Variants in ELK3 observed in about 807,000 individuals in gnomAD.
ELK3 encodes ETS transcription factor ELK3.
A neutral mutation model predicts 28.9 loss-of-function variants in ELK3; 10 were observed. The observed-to-expected ratio is 0.35, with a 90% confidence interval of 0.21 to 0.59. ELK3 has a LOEUF of 0.59. Ranked by LOEUF, ELK3 falls within the 20% of genes least tolerant of loss-of-function variation. The pLI is 0.82. For synonymous variants in ELK3, 272 were observed against 243.5 expected (o/e 1.12, Z -1.09); for missense variants, 463 against 517.3 (o/e 0.90, Z 1.02).
intron 1 of ELK3, among the ~76,000 whole-genome samples, chr12:96,219,278 T>C (rs1951646086): frequency 6.7e-6 from 1 of 150,012 alleles, no homozygotes; most frequent in African/African-American, 2.5e-5. Context: ...GGATTCTAGG[T>C]ATCAAGGAAT....
At chr12:96,251,385 AAC>A (rs1196590724) in intron 3 of ELK3, among the ~76,000 whole-genome samples, 2 of 152,086 alleles carry the variant, frequency 1.3e-5, no homozygotes, top group Non-Finnish European at 2.9e-5. Context: ...TATTCCCTGA[AAC>A]ACAACAATTT....
At chr12:96,209,311 G>A (rs760772849) in intron 1 of ELK3, among the ~76,000 whole-genome samples, 2 of 151,328 alleles carry the variant, frequency 1.3e-5, no homozygotes, top group Non-Finnish European at 2.9e-5. Flanking sequence ...CTTTTGCCTT[G>A]GATCTACCCT....
Position 96,263,804 on chromosome 12 carries a change from C to T in ELK3, c.1126-3278C>T, listed in dbSNP as rs551663395. Reference sequence around the variant, plus strand: ...AGGTGATAGGAGATAAGGTTGGAAACGCAGCTGTGGGCCTTGAATATAGGC... The same window carrying T: ...AGGTGATAGGAGATAAGGTTGGAAATGCAGCTGTGGGCCTTGAATATAGGC... On this transcript the variant is annotated intron_variant, in intron 4 of 4. Transcript: ENST00000228741. 2.6e-5 allele frequency among the ~76,000 whole-genome samples: 4 copies of T among 152,254 alleles called. No individual in the cohort carries two copies. In the South Asian group the frequency reaches 6.2e-4, roughly 24 times the overall value.
At position 96,247,851 on chromosome 12, in the gene ELK3, G is replaced by C; in HGVS notation, c.1002+117G>C. The C allele has an allele frequency of 4.0e-6, 5 of 1,252,242 alleles. No individual in the cohort carries two copies. Among genetic ancestry groups the C allele is most frequent in the Non-Finnish European group, 5.4e-6 (5 of 934,562 alleles). 77.6% of individuals were successfully genotyped at this position (1,252,242 alleles called of 1,614,324 possible). A position where few individuals can be genotyped will look rare whatever the true frequency, so the allele number is the denominator to read the frequency against. Reference sequence around the variant, plus strand: ...AAAACGTTGTCCTATGACTCGTACCGAGGTCACTGTGTAAATGTGAAGGGA... The same window carrying C: ...AAAACGTTGTCCTATGACTCGTACCCAGGTCACTGTGTAAATGTGAAGGGA... On this transcript the variant is annotated intron_variant, in intron 3 of 4. Coordinates refer to ENST00000228741, the MANE Select transcript of ELK3 (RefSeq NM_005230.4). This position sits in a 1 kb window ranked among gnomAD's most constrained non-coding sequence, Gnocchi z 5.5.
At chr12:96,234,961 G>A (rs893035188) in intron 2 of ELK3, among the ~76,000 whole-genome samples, 7 of 152,118 alleles carry the variant, frequency 4.6e-5, no homozygotes, top group African/African-American at 1.4e-4. Flanking sequence ...ACAGGCCCCC[G>A]GTATTTTTTA....
chr12:96,247,839 A>G lies in ELK3; in HGVS notation c.1002+105A>G. ...CTTCTGTCCCTCAAAACGTTGTCCT[A>G]TGACTCGTACCGAGGTCACTGTGTA... On this transcript the variant is annotated intron_variant, in intron 3 of 4. Coordinates refer to ENST00000228741, the MANE Select transcript of ELK3 (RefSeq NM_005230.4). This position sits in a 1 kb window ranked among gnomAD's most constrained non-coding sequence, Gnocchi z 5.5. 1.5e-6 allele frequency: 2 copies of G among 1,327,326 alleles called. No individual in the cohort carries two copies. Among genetic ancestry groups the G allele is most frequent in the Non-Finnish European group, 2.0e-6 (2 of 1,001,134 alleles). The allele number at this position is 1,327,326 out of a possible 1,614,324, so 82.2% of individuals were successfully genotyped here. A position where few individuals can be genotyped will look rare whatever the true frequency, so the allele number is the denominator to read the frequency against.
chr12:96,237,072 T>C (rs1248378337), intron 2 of ELK3, among the ~76,000 whole-genome samples: 3 of 152,226 alleles, frequency 2.0e-5, no homozygotes, highest in African/African-American at 7.2e-5. Flanking sequence ...TTTCAGTGCC[T>C]ACCTCAAATC....
rs367842516 is a variant in ELK3, at chr12:96,247,768, A to T, written c.1002+34A>T. 9.2e-5 allele frequency: 137 copies of T among 1,481,320 alleles called. No homozygotes were observed. The highest frequency in any genetic ancestry group is 1.1e-4 in the Non-Finnish European group (126 of 1,119,184). 91.8% of individuals were successfully genotyped at this position (1,481,320 alleles called of 1,614,324 possible). On this transcript the variant is annotated intron_variant, in intron 3 of 4. Transcript: ENST00000228741. The surrounding 1 kb of genome is among the most constrained non-coding windows in gnomAD (Gnocchi z 5.5). ...CATTCCTGTCATCTAAGCCACAGCC[A>T]GCTTCAGTGGCTTAGCAAAAAAGGA...
chr12:96,231,777 C>A (rs915699434), intron 2 of ELK3, among the ~76,000 whole-genome samples: 1 of 152,202 alleles, frequency 6.6e-6, no homozygotes, highest in Non-Finnish European at 1.5e-5. Flanking sequence ...AGCCACAGCA[C>A]CTGGCCTAGG....
intron 2 of ELK3, among the ~76,000 whole-genome samples, chr12:96,237,413 C>T (rs1951792507): frequency 7.2e-6 from 1 of 139,464 alleles, no homozygotes; most frequent in Non-Finnish European, 1.7e-5. Context: ...TGAGGTGAGC[C>T]TGCCCCCCAG....
chr12:96,230,373 T>G (rs1237680829), intron 2 of ELK3, among the ~76,000 whole-genome samples: 2 of 152,198 alleles, frequency 1.3e-5, no homozygotes, highest in Non-Finnish European at 2.9e-5. Flanking sequence ...TTTCAGACAC[T>G]GCTGGGCTTT....
chr12:96,214,424 CTG>C (rs1221887621), intron 1 of ELK3, among the ~76,000 whole-genome samples: 3 of 151,390 alleles, frequency 2.0e-5, no homozygotes, highest in South Asian at 2.1e-4. Flanking sequence ...GAGCAAGACT[CTG>C]TCTCAAAAAA....
intron 1 of ELK3, among the ~76,000 whole-genome samples, chr12:96,216,730 TAACTTCTGTAACTCTTAC>T (rs1236085392): frequency 6.6e-6 from 1 of 152,228 alleles, no homozygotes; most frequent in African/African-American, 2.4e-5. Context: ...GCATTATTAG[TAACTTCTGTAACTCTTAC>T]AACAACCCTG....
intron 4 of ELK3, among the ~76,000 whole-genome samples, chr12:96,266,545 C>A (rs1454540880): frequency 6.6e-6 from 1 of 152,066 alleles, no homozygotes; most frequent in African/African-American, 2.4e-5. Context: ...AGAATACTTT[C>A]TTAGCTCCAA....
chr12:96,210,703 G>A (rs1951572611), intron 1 of ELK3, among the ~76,000 whole-genome samples: 1 of 152,124 alleles, frequency 6.6e-6, no homozygotes. Context: ...GGTGAACCTT[G>A]AACCTATTTA....
rs142179151 is a variant in ELK3 at position 96,218,875 on chromosome 12, C to G, written c.-2-4690C>G. On this transcript the variant is annotated intron_variant, in intron 1 of 4. Transcript: ENST00000228741. The stretch of plus-strand genomic sequence containing the variant: ...GTGTTAGCCGGGATGGTCTCGATCT[C>G]CTGACCTTGTGATCCGCCCGCCTCG... Among the ~76,000 whole-genome samples the G allele has an allele frequency of 7.6e-3, 1,159 of 152,194 alleles. 19 individuals carry two copies. Among genetic ancestry groups the G allele is most frequent in the African/African-American group, 0.027 (1,102 of 41,528 alleles).
At chr12:96,210,552 C>T (rs1409255947) in intron 1 of ELK3, among the ~76,000 whole-genome samples, 7 of 135,312 alleles carry the variant, frequency 5.2e-5, no homozygotes, top group East Asian at 2.1e-4. Flanking sequence ...CACCGCCCTG[C>T]GCGCGGGCGC....
At chr12:96,229,523 CTTTTTTTTTTTTTTTTT>C (rs10578974) in intron 2 of ELK3, among the ~76,000 whole-genome samples, 1 of 66,272 alleles carries the variant, frequency 1.5e-5, no homozygotes. Flanking sequence ...CCAGATTTTC[CTTTTTTTTTTTTTTTTT>C]TTTTTTTTTG....
At chr12:96,210,248 T>C (rs1192036515) in intron 1 of ELK3, among the ~76,000 whole-genome samples, 2 of 152,192 alleles carry the variant, frequency 1.3e-5, no homozygotes, top group Non-Finnish European at 2.9e-5. Flanking sequence ...AACAGCCTGT[T>C]TTTTTCGGGG....
Sources: allele counts gnomAD v4.1 joint callset (sites outside exome capture counted in the v4.1 genomes callset), GRCh38; gene constraint gnomAD v4.1.1; non-coding constraint Gnocchi (gnomAD v3.1); transcripts MANE v1.5; gene names NCBI Gene and HGNC (gene_info 2026-07-23, HGNC 2026-07-21).